The following RALGAPB variants were observed in gnomAD, a reference collection of about 807,000 sequenced individuals.
RALGAPB encodes ral GTPase-activating protein subunit beta.
In RALGAPB, 25 loss-of-function variants were observed where a neutral mutation model predicts 161.1. The observed-to-expected ratio is 0.16, with a 90% CI of 0.11 to 0.22. The LOEUF (loss-of-function observed/expected upper bound fraction) is 0.22, where lower values mean the gene tolerates loss of function less well. Ranked by LOEUF, RALGAPB falls within the 10% of genes least tolerant of loss-of-function variation. The probability of loss-of-function intolerance (pLI) is 1.00; values close to 1 mark genes in which losing one functional copy is unlikely to be tolerated. For synonymous variants in RALGAPB, 629 were observed against 626.1 expected (o/e 1.00, Z -0.07); for missense variants, 1,391 against 1,815.2 (o/e 0.77, Z 4.25).
At chr20:38,495,117 C>G (rs1280131453) in intron 3 of RALGAPB, among the ~76,000 whole-genome samples, 1 of 152,128 alleles carries the variant, frequency 6.6e-6, no homozygotes, top group East Asian at 1.9e-4. Flanking sequence ...GATCTCATCT[C>G]CCATTATTTG....
intron 11 of RALGAPB, 136 bp downstream of exon 11, chr20:38,525,081 G>A: frequency 2.3e-6 from 2 of 886,682 alleles, no homozygotes; most frequent in Non-Finnish European, 3.5e-6. Flanking sequence ...TTAAATGAGT[G>A]TAGTGTGTCC....
chr20:38,492,045 T>C (rs1183496604), intron 2 of RALGAPB, among the ~76,000 whole-genome samples: 5 of 152,244 alleles, frequency 3.3e-5, no homozygotes, highest in African/African-American at 9.6e-5. Context: ...TGGAGACATA[T>C]AGCTCAGATG....
intron 28 of RALGAPB, 88 bp from the exon 29 acceptor site, chr20:38,574,062 T>C: frequency 7.3e-7 from 1 of 1,362,338 alleles, no homozygotes; most frequent in Non-Finnish European, 1.0e-6. Flanking sequence ...TTTACTAATC[T>C]TAGGCTATAT....
intron 28 of RALGAPB, among the ~76,000 whole-genome samples, chr20:38,572,912 A>G (rs992328925): frequency 2.6e-5 from 4 of 152,130 alleles, no homozygotes; most frequent in African/African-American, 7.2e-5. Context: ...CTCCAGGACT[A>G]TATATCTGGT....
At chr20:38,525,787 A>G in intron 12 of RALGAPB, 108 bp from the exon 13 acceptor site, 16 of 1,172,082 alleles carry the variant, frequency 1.4e-5, no homozygotes, top group Non-Finnish European at 1.6e-5. Context: ...CTAATATTAG[A>G]CTGAAAGCCT....
chr20:38,501,237 A>G (rs1368292657), intron 5 of RALGAPB, among the ~76,000 whole-genome samples: 20 of 152,212 alleles, frequency 1.3e-4, no homozygotes, highest in Admixed American at 1.3e-3. Flanking sequence ...GTGCTCATTT[A>G]CCATTTGGAA....
In RALGAPB at chr20:38,548,756, G is replaced by A; in HGVS notation, c.2970G>A (p.Gln990=). 1 of 1,614,018 alleles carries A rather than the reference G, an allele frequency of 6.2e-7. No homozygotes were observed. Among genetic ancestry groups the A allele is most frequent in the South Asian group, 1.1e-5 (1 of 91,084 alleles). The stretch of plus-strand genomic sequence containing the variant: ...CTGGAAGACTTGCTTGGGCACAACA[G>A]CTTTGTCTTTTACCCAGAGGAGCAA... ...GMSGRLAWAQ[Q]LCLLPRGAKA... Residue 990 remains glutamine (Q), a synonymous_variant, in exon 20 of 30, where the codon CAG becomes CAA. Transcript: ENST00000262879.
intron 7 of RALGAPB, 72 bp from the exon 8 acceptor site, chr20:38,517,434 T>C: frequency 2.1e-6 from 3 of 1,449,926 alleles, no homozygotes; most frequent in Non-Finnish European, 2.8e-6. Context: ...ACTAGGTTAC[T>C]GGGAGAAATT....
Position 38,574,940 on chromosome 20 carries a change from G to A in RALGAPB, c.4458G>A (p.Glu1486=). The A allele has an allele frequency of 1.9e-6, 3 of 1,613,604 alleles. No homozygotes were observed. Among genetic ancestry groups the A allele is most frequent in the Non-Finnish European group, 2.5e-6 (3 of 1,179,548 alleles). The change falls in exon 30 of 30, where the codon GAG becomes GAA. Residue 1486 remains glutamate, a synonymous_variant. Coordinates refer to ENST00000262879, the MANE Select transcript of RALGAPB (RefSeq NM_020336.4). ...EPEFYTSLFQ[E]VGLKNCSS ...AGTTTTATACTTCACTTTTCCAGGA[G>A]GTTGGACTCAAGAACTGCAGTTCTT...
intron 1 of RALGAPB, among the ~76,000 whole-genome samples, chr20:38,482,642 C>T (rs1408871946): frequency 6.6e-6 from 1 of 151,812 alleles, no homozygotes; most frequent in Non-Finnish European, 1.5e-5. Context: ...TTGGTCAGGC[C>T]GGTCTCGAAC....
rs922726527 is a variant in RALGAPB at position 38,575,187 on chromosome 20, A to G, written c.*220A>G. 9 of 485,664 alleles carry G rather than the reference A, an allele frequency of 1.9e-5. No homozygotes were observed. The highest frequency in any genetic ancestry group is 3.3e-5 in the Non-Finnish European group (9 of 275,142). The allele number at this position is 485,664 out of a possible 1,614,324, so 30.1% of individuals were successfully genotyped here. On this transcript the variant is annotated 3_prime_UTR_variant, in exon 30 of 30. Transcript: ENST00000262879. ...CACAATCACACTCCTGCTGATAATG[A>G]TGATATACATTTTAGCCATAAACTT...
intron 10 of RALGAPB, 21 bp from the exon 11 acceptor site, chr20:38,524,757 A>T (rs753006837): frequency 1.9e-6 from 3 of 1,562,112 alleles, no homozygotes; most frequent in East Asian, 2.2e-5. Context: ...TTTGTTTAAA[A>T]TTTTTTTCTT....
At chr20:38,510,125 C>T (rs1374560282) in intron 6 of RALGAPB, among the ~76,000 whole-genome samples, 11 of 118,116 alleles carry the variant, frequency 9.3e-5, no homozygotes, top group East Asian at 7.7e-4. Flanking sequence ...AACACACACA[C>T]GCACATACAC....
At chr20:38,498,081 A>AG (rs1161516202) in intron 4 of RALGAPB, among the ~76,000 whole-genome samples, 58 of 142,742 alleles carry the variant, frequency 4.1e-4, no homozygotes, top group Admixed American at 2.1e-4. Context: ...AAAAAAAAAA[A>AG]AAAAGAAAAG....
Position 38,500,961 on chromosome 20 carries a change from G to C in RALGAPB, c.740+1328G>C, listed in dbSNP as rs77617719. ...TGCGAGAGGTGAGGAAGCTGTAGAAGAAAGCTTAGGAAGAGGCCGAGGTTG... is the reference window on the plus strand; with the variant it reads ...TGCGAGAGGTGAGGAAGCTGTAGAACAAAGCTTAGGAAGAGGCCGAGGTTG... On this transcript the variant is annotated intron_variant, in intron 5 of 29. Transcript: ENST00000262879. 9.4e-3 allele frequency among the ~76,000 whole-genome samples: 1,433 copies of C among 152,298 alleles called. 24 individuals carry two copies. The highest frequency in any genetic ancestry group is 0.033 in the African/African-American group (1,351 of 41,542).
chr20:38,532,573 C>A (rs574936716), intron 14 of RALGAPB, among the ~76,000 whole-genome samples, 157 bp from the exon 15 acceptor site: 2 of 152,262 alleles, frequency 1.3e-5, no homozygotes, highest in South Asian at 4.1e-4. Flanking sequence ...GTAAAAATAC[C>A]ACAGTGGTTT....
At chr20:38,558,817 C>T (rs1239152368) in intron 23 of RALGAPB, among the ~76,000 whole-genome samples, 1 of 152,102 alleles carries the variant, frequency 6.6e-6, no homozygotes, top group Non-Finnish European at 1.5e-5. Context: ...GTCTAGAGTC[C>T]ATATAGCACG....
chr20:38,490,942 G>A (rs1011083942), intron 2 of RALGAPB, among the ~76,000 whole-genome samples: 9 of 152,232 alleles, frequency 5.9e-5, no homozygotes, highest in African/African-American at 2.2e-4. Flanking sequence ...ACTACGCCTG[G>A]CCTAGAATTA....
chr20:38,494,973 G>T (rs780010817), intron 3 of RALGAPB, among the ~76,000 whole-genome samples: 164 of 152,332 alleles, frequency 1.1e-3, no homozygotes, highest in Non-Finnish European at 2.1e-3. Flanking sequence ...TAATTACCTT[G>T]TTTTCTCAAA....
Sources: gnomAD v4.1 joint callset for allele counts (sites outside exome capture counted in the v4.1 genomes callset) on GRCh38, gnomAD v4.1.1 for gene constraint, MANE v1.5 for transcripts, NCBI Gene and HGNC (gene_info 2026-07-23, HGNC 2026-07-21) for gene names.